Variants in ESRP1 observed in about 807,000 individuals in gnomAD.
ESRP1 encodes the protein epithelial splicing regulatory protein 1, also known as RNA-binding motif protein 35A.
In ESRP1, 33 loss-of-function variants were observed where a neutral mutation model predicts 81.7. The ratio of observed to expected loss-of-function variants is 0.40; its 90% CI spans 0.31 to 0.54. The LOEUF is 0.54. Among genes scored for constraint, ESRP1 ranks in the 20% least tolerant of loss-of-function variants. The probability of loss-of-function intolerance (pLI) is 0.41; values close to 1 mark genes in which losing one functional copy is unlikely to be tolerated. For missense variants in ESRP1, 672 were observed against 833.1 expected, an observed-to-expected ratio of 0.81 and a Z score of 2.38; for synonymous variants, 320 against 303.3, an observed-to-expected ratio of 1.06 and a Z score of -0.57.
chr8:94,660,540 A>C (rs932203404), intron 4 of ESRP1, among the ~76,000 whole-genome samples: 2 of 152,000 alleles, frequency 1.3e-5, no homozygotes, highest in Non-Finnish European at 2.9e-5. Flanking sequence ...GGAGTTCGAG[A>C]CCAGCCTGGC....
At chr8:94,667,052 A>T (rs140481974) in intron 9 of ESRP1, among the ~76,000 whole-genome samples, 1 of 98,724 alleles carries the variant, frequency 1.0e-5, no homozygotes, top group South Asian at 3.1e-4. Flanking sequence ...ATAATACACA[A>T]ATTAGCCAGG....
intron 13 of ESRP1, among the ~76,000 whole-genome samples, chr8:94,682,403 A>G (rs12543258): frequency 0.31 from 46,394 of 152,026 alleles, 8,698 homozygotes; most frequent in East Asian, 0.56. Context: ...GTCTGGCTCT[A>G]TCACCCAGGG....
intron 3 of ESRP1, among the ~76,000 whole-genome samples, chr8:94,645,717 T>C (rs1184956489): frequency 6.6e-6 from 1 of 152,176 alleles, no homozygotes; most frequent in East Asian, 1.9e-4. Flanking sequence ...ACTGAAAATA[T>C]GCATTATTAG....
intron 15 of ESRP1, among the ~76,000 whole-genome samples, chr8:94,697,843 A>C (rs1347536319): frequency 6.6e-6 from 1 of 152,040 alleles, no homozygotes; most frequent in African/African-American, 2.4e-5. Flanking sequence ...GTGCAATGGC[A>C]TAATCTCAGC....
In ESRP1 at chr8:94,642,100, C is replaced by A; in HGVS notation, c.261+16C>A. ...CCTCCGACAGGTGACAACCCCGGGT[C>A]ACGCCACCCACCCCAGCCTGGGCCC... is the stretch of plus-strand genomic sequence containing the variant. On this transcript the variant is annotated intron_variant, in intron 2 of 15. Coordinates refer to ENST00000433389, the MANE Select transcript of ESRP1 (RefSeq NM_017697.4). 1 of 1,607,354 alleles carries A rather than the reference C, an allele frequency of 6.2e-7. No individual in the cohort carries two copies. Among genetic ancestry groups the A allele is most frequent in the Non-Finnish European group, 8.5e-7 (1 of 1,179,138 alleles).
chr8:94,668,788 C>T (rs1305786457), intron 10 of ESRP1, among the ~76,000 whole-genome samples: 1 of 76,840 alleles, frequency 1.3e-5, no homozygotes, highest in South Asian at 4.4e-4. Context: ...TAGCTTTCAG[C>T]ATGTGTGTGT....
At chr8:94,685,670 G>A (rs550274712) in intron 13 of ESRP1, among the ~76,000 whole-genome samples, 4 of 152,128 alleles carry the variant, frequency 2.6e-5, no homozygotes, top group South Asian at 4.1e-4. Flanking sequence ...CATGGTGGCA[G>A]ATGCCTATAA....
At chr8:94,646,353 C>G in intron 4 of ESRP1, 71 bp downstream of exon 4, 1 of 1,066,396 alleles carries the variant, frequency 9.4e-7, no homozygotes, top group Non-Finnish European at 1.3e-6. Flanking sequence ...AAGAAACTTT[C>G]AAACATTTTA....
In ESRP1 at chr8:94,668,789, A is replaced by ATG. The variant is rs71303426; in HGVS notation, c.1233+557_1233+558dup. Among the ~76,000 whole-genome samples, 469 of 143,862 alleles carry ATG rather than the reference A, an allele frequency of 3.3e-3. 8 individuals carry two copies. Among genetic ancestry groups the ATG allele is most frequent in the African/African-American group, 9.7e-3 (360 of 37,080 alleles). The allele number at this position is 143,862 out of a possible 152,430, so 94.4% of individuals were successfully genotyped here. A position where few individuals can be genotyped will look rare whatever the true frequency, so the allele number is the denominator to read the frequency against. ...CTGTCCTGTTTTACTAGCTTTCAGC[A>ATG]TGTGTGTGTGTGTGTGTGTTTGAGA... On this transcript the variant is annotated intron_variant, in intron 10 of 15. Coordinates refer to ENST00000433389, the MANE Select transcript of ESRP1 (RefSeq NM_017697.4).
At chr8:94,646,716 G>A (rs182872610) in intron 4 of ESRP1, among the ~76,000 whole-genome samples, 51 of 152,112 alleles carry the variant, frequency 3.4e-4, no homozygotes, top group Admixed American at 2.7e-3. Context: ...CACTGGTCCC[G>A]CTTTTAGCCT....
At position 94,665,754 on chromosome 8, in the gene ESRP1, A is replaced by G. The variant is rs569821365; in HGVS notation, c.931+558A>G. Among the ~76,000 whole-genome samples the G allele has an allele frequency of 1.7e-3, 262 of 152,314 alleles. 1 individual carries two copies. Among genetic ancestry groups the G allele is most frequent in the African/African-American group, 6.1e-3 (254 of 41,570 alleles). On this transcript the variant is annotated intron_variant, in intron 9 of 15. Coordinates refer to ENST00000433389, the MANE Select transcript of ESRP1 (RefSeq NM_017697.4). ...ATTGATCCTCCTGCCTCAGCCTCCC[A>G]AAGTGCTGGGATTACAGGCCTGAGC... is the stretch of plus-strand genomic sequence containing the variant.
Position 94,696,854 on chromosome 8 carries a change from T to C in ESRP1, c.1974T>C (p.Tyr658=). 6.3e-7 allele frequency: 1 copy of C among 1,581,758 alleles called. No individual in the cohort carries two copies. Among genetic ancestry groups the C allele is most frequent in the Non-Finnish European group, 8.6e-7 (1 of 1,164,698 alleles). ...EILNFFQGYQ[Y]ATEDGLIHTN... ...GTTTGTTTTAACTTGCATTTTAGTA[T>C]GCAACCGAGGATGGACTTATACACA... The change falls in exon 15 of 16, where the codon TAT becomes TAC. Residue 658 remains tyrosine, a splice_region_variant and synonymous_variant. Transcript: ENST00000433389.
chr8:94,642,170 T>C, intron 2 of ESRP1, 86 bp downstream of exon 2: 2 of 1,501,930 alleles, frequency 1.3e-6, no homozygotes, highest in Non-Finnish European at 1.8e-6. Flanking sequence ...CCACGCGTGT[T>C]CCCGGAGCAG....
chr8:94,688,648 G>T (rs1586245517), intron 13 of ESRP1: 1 of 190,098 alleles, frequency 5.3e-6, no homozygotes, highest in Non-Finnish European at 1.1e-5. Context: ...TGCCTCAACA[G>T]ACAAAAACAA....
chr8:94,662,484 T>C lies in ESRP1; in HGVS notation c.590-17T>C, dbSNP rs770721418. Reference sequence around the variant, plus strand: ...CCCTAATCACTAAAATGATGACTTTTATGTTCTCATTTTTAGATCACAGGT... The same window carrying C: ...CCCTAATCACTAAAATGATGACTTTCATGTTCTCATTTTTAGATCACAGGT... On this transcript the variant is annotated splice_polypyrimidine_tract_variant and intron_variant, in intron 5 of 15. Transcript: ENST00000433389. The C allele has an allele frequency of 2.5e-6, 4 of 1,595,342 alleles. No individual in the cohort carries two copies. The highest frequency in any genetic ancestry group is 1.3e-5 in the African/African-American group (1 of 74,528).
intron 4 of ESRP1, among the ~76,000 whole-genome samples, chr8:94,650,460 A>T (rs977052448): frequency 1.3e-5 from 2 of 151,878 alleles, no homozygotes; most frequent in African/African-American, 4.8e-5. Context: ...ATCTTTTCAG[A>T]TTGTCTTTTT....
At chr8:94,645,442 AGG>A (rs1817800546) in intron 3 of ESRP1, among the ~76,000 whole-genome samples, 1 of 151,776 alleles carries the variant, frequency 6.6e-6, no homozygotes, top group Non-Finnish European at 1.5e-5. Flanking sequence ...AAAAAAACAA[AGG>A]AAACAATAGT....
chr8:94,664,258 G>A (rs769353251), intron 6 of ESRP1, among the ~76,000 whole-genome samples: 5 of 151,530 alleles, frequency 3.3e-5, no homozygotes, highest in Non-Finnish European at 7.4e-5. Context: ...CAAGTAACTG[G>A]GATTATAAGC....
In ESRP1 at chr8:94,665,169, G is replaced by C. The variant is rs748052442; in HGVS notation, c.904G>C (p.Gly302Arg). ...TRYIEVYKAT[G>R]EDFLKIAGGT... ...CTTTTCTCAGGTTTACAAAGCAACA[G>C]GTGAAGATTTCCTTAAAATTGCTGG... The change falls in exon 9 of 16, where the codon GGT becomes CGT. Residue 302 changes from glycine to arginine, a missense_variant. Coordinates refer to ENST00000433389, the MANE Select transcript of ESRP1 (RefSeq NM_017697.4). 83 of 1,613,474 alleles carry C rather than the reference G, an allele frequency of 5.1e-5. No individual in the cohort carries two copies. Among genetic ancestry groups the C allele is most frequent in the Non-Finnish European group, 5.1e-6 (6 of 1,179,706 alleles).
Sources: allele counts gnomAD v4.1 joint callset (sites outside exome capture counted in the v4.1 genomes callset), GRCh38; gene constraint gnomAD v4.1.1; transcripts MANE v1.5; gene names NCBI Gene and HGNC (gene_info 2026-07-23, HGNC 2026-07-21).